FANCE: variants seen among roughly 807,000 people sequenced by gnomAD.
FANCE encodes the protein FA complementation group E, also known as Fanconi anemia group E protein.
A neutral mutation model predicts 57.8 loss-of-function variants in FANCE; 42 were observed. That is an observed-to-expected ratio of 0.73 (90% CI 0.57 to 0.94). The LOEUF is 0.94. FANCE is among the 40% of genes least tolerant of loss of function. The pLI, the probability that FANCE is intolerant of heterozygous loss-of-function variation, is 0.00. For missense variants in FANCE, 608 were observed against 661.8 expected (o/e 0.92, Z 0.89); for synonymous variants, 251 against 286.4 (o/e 0.88, Z 1.25).
In FANCE at chr6:35,462,864, A is replaced by G. The variant is rs373735272; in HGVS notation, c.1459A>G (p.Met487Val). 6 of 1,614,122 alleles carry G rather than the reference A, an allele frequency of 3.7e-6. No homozygotes were observed. Among genetic ancestry groups the G allele is most frequent in the South Asian group, 1.1e-5 (1 of 91,096 alleles). Reference sequence around the variant, plus strand: ...AAAGGGGCTGGCAGCCACCACCTCCATGGCCTATGCCAAGCTCATGCTGAC... The same window carrying G: ...AAAGGGGCTGGCAGCCACCACCTCCGTGGCCTATGCCAAGCTCATGCTGAC... ...CKKGLAATTSMAYAKLMLTVM... is the reference protein window; with the variant it reads ...CKKGLAATTSVAYAKLMLTVM... The change falls in exon 9 of 10, where the codon ATG becomes GTG. Residue 487 changes from methionine (M) to valine (V), a missense_variant. Physicochemically the swap from Met to Val is conservative, Grantham distance 21. Coordinates refer to ENST00000229769, the MANE Select transcript of FANCE (RefSeq NM_021922.3).
intron 8 of FANCE, among the ~76,000 whole-genome samples, chr6:35,461,852 T>C (rs1157603842): frequency 6.6e-6 from 1 of 151,838 alleles, no homozygotes; most frequent in African/African-American, 2.4e-5. Flanking sequence ...TTTCACCATG[T>C]TAGCCAGGAT....
At chr6:35,455,125 G>T (rs185850300) in intron 1 of FANCE, among the ~76,000 whole-genome samples, 14 of 152,272 alleles carry the variant, frequency 9.2e-5, no homozygotes, top group African/African-American at 2.9e-4. Flanking sequence ...ATTTGGGAAA[G>T]AACTTTTTTC....
At chr6:35,461,409 C>T (rs536802000) in intron 8 of FANCE, among the ~76,000 whole-genome samples, 1 of 152,312 alleles carries the variant, frequency 6.6e-6, no homozygotes, top group Admixed American at 6.5e-5. Flanking sequence ...AGATTTCCCT[C>T]CTTAGGGCTA....
At chr6:35,459,883 C>A in intron 7 of FANCE, 123 bp downstream of exon 7, 1 of 794,636 alleles carries the variant, frequency 1.3e-6, no homozygotes, top group Non-Finnish European at 2.2e-6. Flanking sequence ...TGTGTATCAT[C>A]TCACTCCATC....
intron 1 of FANCE, among the ~76,000 whole-genome samples, chr6:35,454,010 C>G (rs1767218027): frequency 6.6e-6 from 1 of 152,074 alleles, no homozygotes; most frequent in Non-Finnish European, 1.5e-5. Flanking sequence ...CTCTCTACCC[C>G]CAAATATCCT....
intron 5 of FANCE, among the ~76,000 whole-genome samples, chr6:35,458,873 G>A (rs1396573251): frequency 6.6e-6 from 1 of 152,008 alleles, no homozygotes; most frequent in Non-Finnish European, 1.5e-5. Flanking sequence ...CTCTGCCTTT[G>A]GGGTTCAAGC....
rs2150885509 is a variant in FANCE at position 35,452,605 on chromosome 6, G to A, written c.60G>A (p.Ala20=). ...GAEGVEPAPW[A]QLEAPARLLL... ...AGGGCGTGGAGCCGGCGCCCTGGGC[G>A]CAGCTGGAGGCCCCCGCCCGCCTCC... The change falls in exon 1 of 10, where the codon GCG becomes GCA. Residue 20 remains alanine (A), a synonymous_variant. Transcript: ENST00000229769. 7.7e-7 allele frequency: 1 copy of A among 1,305,332 alleles called. No homozygotes were observed. Among genetic ancestry groups the A allele is most frequent in the Non-Finnish European group, 9.8e-7 (1 of 1,025,272 alleles). The allele number at this position is 1,305,332 out of a possible 1,614,324, so 80.9% of individuals were successfully genotyped here.
Position 35,461,448 on chromosome 6 carries a change from G to GC in FANCE, c.1383+836dup, listed in dbSNP as rs1289456319. On this transcript the variant is annotated intron_variant, in intron 8 of 9. Transcript: ENST00000229769. ...AGTATTACCAGTTTCAGGGGAATCC[G>GC]CCCCCCTCCAGAGATACCATCTATA... Among the ~76,000 whole-genome samples, 16 of 152,070 alleles carry GC rather than the reference G, an allele frequency of 1.1e-4. No homozygotes were observed. The East Asian group carries it at 2.9e-3, about 28-fold the overall frequency.
intron 1 of FANCE, among the ~76,000 whole-genome samples, chr6:35,454,871 TAGAG>T (rs1767262890): frequency 6.6e-6 from 1 of 152,244 alleles, no homozygotes; most frequent in African/African-American, 2.4e-5. Context: ...TCAGCACACT[TAGAG>T]AGTTAATTCA....
In FANCE at chr6:35,466,362, C is replaced by G; in HGVS notation, c.*17C>G. 6.7e-7 allele frequency: 1 copy of G among 1,496,852 alleles called. No homozygotes were observed. The highest frequency in any genetic ancestry group is 9.3e-7 in the Non-Finnish European group (1 of 1,073,070). 92.7% of individuals were successfully genotyped at this position (1,496,852 alleles called of 1,614,324 possible). On this transcript the variant is annotated 3_prime_UTR_variant, in exon 10 of 10. Coordinates refer to ENST00000229769, the MANE Select transcript of FANCE (RefSeq NM_021922.3). ...GGCCCCTGACCATCCACCAAGGGAC[C>G]ACCCTCTTGGTGCTCCATCACCAGC...
chr6:35,452,431 G>A lies in FANCE; in HGVS notation c.-115G>A. On this transcript the variant is annotated 5_prime_UTR_variant, in exon 1 of 10. Coordinates refer to ENST00000229769, the MANE Select transcript of FANCE (RefSeq NM_021922.3). ...CCGAGGAGAGCTTGTAACAGGCGCT[G>A]GAGCTGGCCCGCCACCGCCGCGTCA... 9.2e-7 allele frequency: 1 copy of A among 1,086,876 alleles called. No homozygotes were observed. The highest frequency in any genetic ancestry group is 4.7e-5 in the South Asian group (1 of 21,124). 67.3% of individuals were successfully genotyped at this position (1,086,876 alleles called of 1,614,324 possible).
chr6:35,454,917 G>A (rs1400538578), intron 1 of FANCE, among the ~76,000 whole-genome samples: 1 of 152,164 alleles, frequency 6.6e-6, no homozygotes, highest in Non-Finnish European at 1.5e-5. Context: ...GCCTGCTCTG[G>A]GCTGGCGCTG....
intron 1 of FANCE, among the ~76,000 whole-genome samples, chr6:35,455,468 C>T (rs1413816245): frequency 1.3e-5 from 2 of 151,978 alleles, no homozygotes; most frequent in Non-Finnish European, 2.9e-5. Context: ...CCACCATGCC[C>T]GTCTAATTTT....
In FANCE at chr6:35,452,522, G is replaced by T; in HGVS notation, c.-24G>T. ...CTGAGGCCCCACACCAGAGTAGGGG[G>T]CGGCGCGGCACCCGTGCCCCGGCAT... On this transcript the variant is annotated 5_prime_UTR_variant, in exon 1 of 10. Transcript: ENST00000229769. 7.8e-7 allele frequency: 1 copy of T among 1,282,274 alleles called. No individual in the cohort carries two copies. Among genetic ancestry groups the T allele is most frequent in the Admixed American group, 3.5e-5 (1 of 28,810 alleles). 79.4% of individuals were successfully genotyped at this position (1,282,274 alleles called of 1,614,324 possible). A position where few individuals can be genotyped will look rare whatever the true frequency, so the allele number is the denominator to read the frequency against.
chr6:35,460,436 C>A, intron 7 of FANCE, 116 bp from the exon 8 acceptor site: 2 of 1,018,520 alleles, frequency 2.0e-6, no homozygotes, highest in East Asian at 2.4e-5. Context: ...CCTTTGTTGG[C>A]TGGGGATCTT....
chr6:35,459,521 G>C lies in FANCE; in HGVS notation c.1237+67G>C, dbSNP rs1274823777. 1.2e-6 allele frequency: 2 copies of C among 1,611,802 alleles called. No individual in the cohort carries two copies. Among genetic ancestry groups the C allele is most frequent in the South Asian group, 1.1e-5 (1 of 91,040 alleles). On this transcript the variant is annotated intron_variant, in intron 6 of 9. Coordinates refer to ENST00000229769, the MANE Select transcript of FANCE (RefSeq NM_021922.3). ...AGTGTTCTCAGCATCCTTCACCCCAGAGTGGCCCTGGCAGGAGTTGGGTAT... is the reference window on the plus strand; with the variant it reads ...AGTGTTCTCAGCATCCTTCACCCCACAGTGGCCCTGGCAGGAGTTGGGTAT...
chr6:35,460,834 C>G (rs540979664), intron 8 of FANCE, among the ~76,000 whole-genome samples: 191 of 152,148 alleles, frequency 1.3e-3, no homozygotes, highest in Middle Eastern at 0.01. Flanking sequence ...CTCTTACCAG[C>G]TGGGGGGGCC....
rs147166240 is a variant in FANCE, at chr6:35,462,914, C to A, written c.1509C>A (p.Asn503Lys). The A allele has an allele frequency of 1.2e-6, 2 of 1,614,156 alleles. No individual in the cohort carries two copies. The highest frequency in any genetic ancestry group is 2.2e-5 in the South Asian group (2 of 91,088). The stretch of plus-strand genomic sequence containing the variant: ...CAGTGATGACCAAGTATCAGGCTAA[C>A]GTGAGTATTGATAGGGCCTTGGGGC... Reference protein sequence around the residue: ...MLTVMTKYQANITETQRLGLA... With the variant: ...MLTVMTKYQAKITETQRLGLA... Residue 503 changes from asparagine (N) to lysine (K), a missense_variant and splice_region_variant, in exon 9 of 10, where the codon AAC (asparagine) becomes AAA (lysine). Physicochemically the swap from Asn to Lys is moderately conservative, Grantham distance 94. Transcript: ENST00000229769.
chr6:35,462,254 C>T (rs45538641), intron 8 of FANCE, among the ~76,000 whole-genome samples: 20 of 152,076 alleles, frequency 1.3e-4, no homozygotes, highest in Middle Eastern at 3.4e-3. Context: ...ATTACAGGCA[C>T]GCACCACCAC....
Sources: allele counts gnomAD v4.1 joint callset (sites outside exome capture counted in the v4.1 genomes callset), GRCh38; gene constraint gnomAD v4.1.1; transcripts MANE v1.5; gene names NCBI Gene and HGNC (gene_info 2026-07-23, HGNC 2026-07-21).